The following AMMECR1 variants were observed in gnomAD, a reference collection of about 807,000 sequenced individuals.
AMMECR1 encodes AMMECR nuclear protein 1, also known as nuclear protein AMMECR1.
A neutral mutation model predicts 22.5 loss-of-function variants in AMMECR1; 3 were observed. That is an observed-to-expected ratio of 0.13 (90% CI 0.06 to 0.35). The LOEUF (loss-of-function observed/expected upper bound fraction) is 0.35. Ranked by LOEUF, AMMECR1 falls within the 10% of genes least tolerant of loss-of-function variation. The pLI is 1.00. For synonymous variants in AMMECR1, 130 were observed against 116.7 expected (o/e 1.11, Z -0.74); for missense variants, 235 against 278.7 (o/e 0.84, Z 1.12).
intron 2 of AMMECR1, among the ~76,000 whole-genome samples, chrX:110,410,587 T>C (rs1432501924): frequency 8.9e-6 from 1 of 111,996 alleles, no homozygotes; most frequent in Non-Finnish European, 1.9e-5. Context: ...AACTCCCACT[T>C]TACTTTTCTT....
chrX:110,413,632 C>T (rs750808116), intron 2 of AMMECR1, among the ~76,000 whole-genome samples: 1 of 107,691 alleles, frequency 9.3e-6, no homozygotes, highest in African/African-American at 3.4e-5. Flanking sequence ...ATGTACAGGA[C>T]ACACTCTCAT....
chrX:110,267,382 C>CT (rs2067775561), intron 1 of AMMECR1, among the ~76,000 whole-genome samples: 1 of 108,683 alleles, frequency 9.2e-6, no homozygotes, highest in African/African-American at 3.4e-5. Context: ...GCCATCCTGT[C>CT]TCTTCTTTTT....
At chrX:110,242,162 C>T (rs2067636797) in intron 2 of AMMECR1, among the ~76,000 whole-genome samples, 1 of 111,595 alleles carries the variant, frequency 9.0e-6, no homozygotes, top group Non-Finnish European at 1.9e-5. Flanking sequence ...CATCGGTGCT[C>T]TACAAATTTT....
At chrX:110,432,255 TCTC>T (rs1435815874) in intron 1 of AMMECR1, among the ~76,000 whole-genome samples, 2 of 112,285 alleles carry the variant, frequency 1.8e-5, no homozygotes, top group Non-Finnish European at 3.8e-5. Context: ...TTCCATTTCA[TCTC>T]CTCCTCTCTA....
chrX:110,424,249 T>C (rs1351632967), intron 2 of AMMECR1, among the ~76,000 whole-genome samples: 3 of 111,840 alleles, frequency 2.7e-5, no homozygotes, highest in Non-Finnish European at 5.6e-5. Context: ...TCACAGCTCT[T>C]GAGGACAAAA....
At chrX:110,341,896 C>A (rs2068165825) in intron 2 of AMMECR1, among the ~76,000 whole-genome samples, 1 of 110,632 alleles carries the variant, frequency 9.0e-6, no homozygotes, top group Non-Finnish European at 1.9e-5. Context: ...AACCTTGTCT[C>A]TACAAAAAAT....
At chrX:110,329,292 G>A (rs182403819) in intron 2 of AMMECR1, among the ~76,000 whole-genome samples, 34 of 111,554 alleles carry the variant, frequency 3.0e-4, no homozygotes, top group Admixed American at 2.0e-3. Context: ...CATATCCTTC[G>A]CCCACTTTTT....
intron 1 of AMMECR1, among the ~76,000 whole-genome samples, chrX:110,432,426 G>T (rs1007205493): frequency 8.9e-6 from 1 of 112,171 alleles, no homozygotes; most frequent in Admixed American, 9.4e-5. Flanking sequence ...TGGTAGTGGT[G>T]GGGAGGGTTG....
chrX:110,261,479 C>T (rs1452539557), intron 2 of AMMECR1, among the ~76,000 whole-genome samples: 1 of 110,867 alleles, frequency 9.0e-6, no homozygotes, highest in Non-Finnish European at 1.9e-5. Context: ...TGACCAGAAG[C>T]CAAGAATCAC....
At chrX:110,429,750 G>T (rs2068783949) in intron 1 of AMMECR1, among the ~76,000 whole-genome samples, 2 of 111,915 alleles carry the variant, frequency 1.8e-5, no homozygotes, top group South Asian at 7.5e-4. Flanking sequence ...CCAAAGTGCT[G>T]GGATTACAGG....
chrX:110,298,698 G>A (rs1305787741), intron 1 of AMMECR1, among the ~76,000 whole-genome samples: 1 of 111,444 alleles, frequency 9.0e-6, no homozygotes, highest in African/African-American at 3.3e-5. Context: ...CTGTAAGAGT[G>A]ATTACAAAGT....
chrX:110,321,288 A>G (rs1449501241), upstream of AMMECR1, among the ~76,000 whole-genome samples: 2 of 110,810 alleles, frequency 1.8e-5, no homozygotes, highest in Non-Finnish European at 3.8e-5. Flanking sequence ...TACCCTCCAG[A>G]GGAAACTTTA....
At chrX:110,373,874 A>G (rs1285652976) in intron 2 of AMMECR1, among the ~76,000 whole-genome samples, 2 of 112,366 alleles carry the variant, frequency 1.8e-5, no homozygotes. Flanking sequence ...CCCCAATGAA[A>G]TATTTAAAAA....
chrX:110,319,158 G>C (rs1162024598), upstream of AMMECR1, among the ~76,000 whole-genome samples: 1 of 112,311 alleles, frequency 8.9e-6, no homozygotes, highest in Non-Finnish European at 1.9e-5. Flanking sequence ...AGACATATGA[G>C]TCAGTCCCTT....
At chrX:110,419,187 T>C (rs2068700159) in intron 2 of AMMECR1, 1 of 112,362 alleles carries the variant, frequency 8.9e-6, no homozygotes. Context: ...TCAAAATGCA[T>C]GTACTAATCC....
Position 110,376,944 on chromosome X carries a change from G to A in AMMECR1, c.-148+49714C>T, listed in dbSNP as rs773895269. On this transcript the variant is annotated intron_variant, in intron 2 of 7. Transcript: ENST00000372057. ...GCCTTTCCTTGAGCACTTCATGGAC[G>A]AATAGCCAAATCTGCCGGACCCACC... 2.7e-5 allele frequency among the ~76,000 whole-genome samples: 3 copies of A among 111,710 alleles called. No homozygotes were observed. The South Asian group carries it at 1.1e-3, about 42-fold the overall frequency.
intron 2 of AMMECR1, among the ~76,000 whole-genome samples, chrX:110,357,327 A>G (rs1034979039): frequency 4.5e-5 from 5 of 112,066 alleles, no homozygotes; most frequent in Non-Finnish European, 9.4e-5. Context: ...CACTTCATAA[A>G]TCTTATAAAT....
At chrX:110,403,571 A>G (rs2096086553) in intron 2 of AMMECR1, among the ~76,000 whole-genome samples, 1 of 111,415 alleles carries the variant, frequency 9.0e-6, no homozygotes, top group African/African-American at 3.3e-5. Flanking sequence ...CTCTGCCCAC[A>G]TTCTGAAGCT....
intron 2 of AMMECR1, among the ~76,000 whole-genome samples, chrX:110,222,328 C>G (rs2067505965): frequency 1.1e-5 from 1 of 92,814 alleles, no homozygotes; most frequent in Non-Finnish European, 2.1e-5. Flanking sequence ...ACATCATTCT[C>G]AGTAAACTAT....
Sources: allele counts gnomAD v4.1 joint callset (sites outside exome capture counted in the v4.1 genomes callset), GRCh38; gene constraint gnomAD v4.1.1; transcripts MANE v1.5; gene names NCBI Gene and HGNC (gene_info 2026-07-23, HGNC 2026-07-21).